Variants in ATP2C2 observed in about 807,000 individuals in gnomAD.
The protein encoded by ATP2C2 is calcium-transporting ATPase type 2C member 2.
Under a neutral mutation model 110.8 loss-of-function variants are expected in ATP2C2, and 171 were observed. That is an observed-to-expected ratio of 1.54 (90% CI 1.36 to 1.75). The LOEUF (loss-of-function observed/expected upper bound fraction) is 1.75, where lower values mean the gene tolerates loss of function less well. ATP2C2 is among the 40% of genes most tolerant of loss of function. The pLI, the probability that ATP2C2 is intolerant of heterozygous loss-of-function variation, is 0.00. For missense variants in ATP2C2, 1,963 were observed against 1,235.0 expected (o/e 1.59, Z -8.84); for synonymous variants, 804 against 508.4 (o/e 1.58, Z -7.82).
At chr16:84,409,272 G>C (rs1906058458) in intron 4 of ATP2C2, among the ~76,000 whole-genome samples, 1 of 152,138 alleles carries the variant, frequency 6.6e-6, no homozygotes, top group African/African-American at 2.4e-5. Context: ...ACACAGGGTG[G>C]GGAACATCAC....
Position 84,370,273 on chromosome 16 carries a change from T to C in ATP2C2, c.99+1559T>C, listed in dbSNP as rs949288674. On this transcript the variant is annotated intron_variant, in intron 1 of 26. Transcript: ENST00000262429. ...GTGTTCAGCCGGTCTGTCAGTGTGC[T>C]CTCCCACCTGGCTGTGGACCGGGGT... Among the ~76,000 whole-genome samples, 28 of 152,178 alleles carry C rather than the reference T, an allele frequency of 1.8e-4. 1 individual carries two copies. Among genetic ancestry groups the C allele is most frequent in the African/African-American group, 6.5e-4 (27 of 41,434 alleles).
chr16:84,387,874 C>G (rs908977264), intron 1 of ATP2C2, among the ~76,000 whole-genome samples: 1 of 150,838 alleles, frequency 6.6e-6, no homozygotes, highest in African/African-American at 2.4e-5. Context: ...ATTGCTTGAG[C>G]CCAGGAGTCC....
intron 6 of ATP2C2, among the ~76,000 whole-genome samples, chr16:84,412,461 CGT>C (rs1017555915): frequency 4.7e-5 from 6 of 128,316 alleles, no homozygotes; most frequent in African/African-American, 1.5e-4. Context: ...TCTGTGTCTC[CGT>C]GTGTGTGTCT....
intron 24 of ATP2C2, chr16:84,461,347 CA>C (rs1157987774): frequency 2.9e-6 from 1 of 346,910 alleles, no homozygotes; most frequent in African/African-American, 2.1e-5. Flanking sequence ...ATTTTCCCTC[CA>C]GCTCTCCCTC....
intron 2 of ATP2C2, among the ~76,000 whole-genome samples, chr16:84,402,443 C>T (rs1269538009): frequency 6.6e-6 from 1 of 152,156 alleles, no homozygotes; most frequent in Non-Finnish European, 1.5e-5. Flanking sequence ...CTGGGTCTGT[C>T]ATATATGGCT....
chr16:84,414,270 G>T (rs1428533815), intron 6 of ATP2C2, among the ~76,000 whole-genome samples: 1 of 152,200 alleles, frequency 6.6e-6, no homozygotes, highest in East Asian at 1.9e-4. Flanking sequence ...CTCATAGCCA[G>T]GGATCTGAGG....
At position 84,385,443 on chromosome 16, in the gene ATP2C2, C is replaced by G. The variant is rs539239817; in HGVS notation, c.100-13056C>G. Among the ~76,000 whole-genome samples, 375 of 152,266 alleles carry G rather than the reference C, an allele frequency of 2.5e-3. 1 individual carries two copies. Among genetic ancestry groups the G allele is most frequent in the African/African-American group, 8.8e-3 (367 of 41,552 alleles). ...TGAGATTTGGGGGTGAACACAGATC[C>G]AAACCATATCACCATCATCATCATT... On this transcript the variant is annotated intron_variant, in intron 1 of 26. Transcript: ENST00000262429.
chr16:84,459,003 G>C, intron 21 of ATP2C2, 117 bp from the exon 22 acceptor site: 1 of 1,125,476 alleles, frequency 8.9e-7, no homozygotes, highest in Non-Finnish European at 1.3e-6. Flanking sequence ...GAACCAGCAG[G>C]GGCCCAAGTA....
At position 84,376,480 on chromosome 16, in the gene ATP2C2, C is replaced by G. The variant is rs569344161; in HGVS notation, c.99+7766C>G. ...CTGCAGCCCAAGATAGCTTTGAATG[C>G]AGCCCAACACAAATTTGTCAACTTT... On this transcript the variant is annotated intron_variant, in intron 1 of 26. Transcript: ENST00000262429. Among the ~76,000 whole-genome samples the G allele has an allele frequency of 7.9e-5, 12 of 152,190 alleles. No individual in the cohort carries two copies. In the South Asian group the frequency reaches 1.0e-3, roughly 13 times the overall value.
In ATP2C2 at chr16:84,464,068, G is replaced by A; in HGVS notation, c.*336G>A. 1 of 206,176 alleles carries A rather than the reference G, an allele frequency of 4.9e-6. No individual in the cohort carries two copies. The highest frequency in any genetic ancestry group is 9.8e-6 in the Non-Finnish European group (1 of 102,510). The allele number at this position is 206,176 out of a possible 1,614,324, so 12.8% of individuals were successfully genotyped here. The stretch of plus-strand genomic sequence containing the variant: ...GCAGGCCACTCGTGGCAGATACAAG[G>A]GGCTCCTGAGAGGCAGTGGGTAGGA... On this transcript the variant is annotated 3_prime_UTR_variant, in exon 27 of 27. Transcript: ENST00000262429.
intron 11 of ATP2C2, among the ~76,000 whole-genome samples, chr16:84,433,250 G>A (rs561449798): frequency 7.2e-5 from 11 of 152,188 alleles, no homozygotes; most frequent in African/African-American, 2.2e-4. Context: ...AGGTATGGTG[G>A]TGCACGCTTG....
chr16:84,415,768 C>G (rs767522439), intron 7 of ATP2C2, among the ~76,000 whole-genome samples, 177 bp downstream of exon 7: 1 of 152,182 alleles, frequency 6.6e-6, no homozygotes, highest in African/African-American at 2.4e-5. Flanking sequence ...GCATAGAGCC[C>G]CTCAAACCAT....
In ATP2C2 at chr16:84,397,670, A is replaced by AAAAAAAAAAAAAAAAAAAAAAAAAC. The variant is rs1555553736; in HGVS notation, c.100-826_100-825insAAAAAAAAAAAAAAAAAAAAACAAA. 6.9e-5 allele frequency among the ~76,000 whole-genome samples: 10 copies of AAAAAAAAAAAAAAAAAAAAAAAAAC among 145,894 alleles called. 1 individual carries two copies. Among genetic ancestry groups the AAAAAAAAAAAAAAAAAAAAAAAAAC allele is most frequent in the Non-Finnish European group, 1.5e-4 (10 of 65,164 alleles). On this transcript the variant is annotated intron_variant, in intron 1 of 26. Transcript: ENST00000262429. ...GCCTGGGTGACAAAAAAAAAAAAAA[A>AAAAAAAAAAAAAAAAAAAAAAAAAC]AAACTTGCTTAAAAATAGATGCATC...
At position 84,459,256 on chromosome 16, in the gene ATP2C2, C is replaced by T. The variant is rs780976967; in HGVS notation, c.2217-14C>T. 6.2e-7 allele frequency: 1 copy of T among 1,614,042 alleles called. No homozygotes were observed. Among genetic ancestry groups the T allele is most frequent in the Non-Finnish European group, 8.5e-7 (1 of 1,179,866 alleles). On this transcript the variant is annotated splice_polypyrimidine_tract_variant and intron_variant, in intron 22 of 26. Transcript: ENST00000262429. ...CTGGCGGGCGGCCGCTGACTGGCTG[C>T]GTGTGCCCCGCAGGAGCATCTCCGC...
intron 2 of ATP2C2, among the ~76,000 whole-genome samples, chr16:84,402,457 A>G (rs370802086): frequency 1.2e-4 from 18 of 152,284 alleles, no homozygotes; most frequent in East Asian, 3.9e-4. Flanking sequence ...TATGGCTTTT[A>G]TTACATTGAG....
At chr16:84,423,500 C>T (rs1907541887) in intron 10 of ATP2C2, among the ~76,000 whole-genome samples, 1 of 152,234 alleles carries the variant, frequency 6.6e-6, no homozygotes, top group Non-Finnish European at 1.5e-5. Flanking sequence ...TTGTTCCTTG[C>T]TCACACCGCA....
intron 3 of ATP2C2, among the ~76,000 whole-genome samples, chr16:84,405,872 A>T (rs941602631): frequency 6.6e-6 from 1 of 152,178 alleles, no homozygotes; most frequent in African/African-American, 2.4e-5. Flanking sequence ...GTGAACTGAG[A>T]TTGTGCCACT....
At chr16:84,445,505 G>A (rs749452266) in intron 15 of ATP2C2, among the ~76,000 whole-genome samples, 1 of 152,110 alleles carries the variant, frequency 6.6e-6, no homozygotes, top group African/African-American at 2.4e-5. Flanking sequence ...ACCATGCCCG[G>A]CCTTCCTCCT....
chr16:84,459,016 A>G, intron 21 of ATP2C2, 104 bp from the exon 22 acceptor site: 2 of 1,256,896 alleles, frequency 1.6e-6, no homozygotes, highest in Non-Finnish European at 2.3e-6. Flanking sequence ...CCCAAGTATA[A>G]CATCAATCTG....
Sources: gnomAD v4.1 joint callset for allele counts (sites outside exome capture counted in the v4.1 genomes callset) on GRCh38, gnomAD v4.1.1 for gene constraint, MANE v1.5 for transcripts, NCBI Gene and HGNC (gene_info 2026-07-23, HGNC 2026-07-21) for gene names.